The following FER variants were observed in gnomAD, a reference collection of about 807,000 sequenced individuals.
FER encodes the protein FER tyrosine kinase.
FER carries 63 observed loss-of-function variants against 111.0 expected under a neutral mutation model. The observed-to-expected ratio is 0.57, with a 90% CI of 0.46 to 0.70. FER has a LOEUF of 0.70. Ranked by LOEUF, FER falls within the 30% of genes least tolerant of loss-of-function variation. FER has a pLI of 0.00. For missense variants in FER, 914 were observed against 954.0 expected, an observed-to-expected ratio of 0.96 and a Z score of 0.55; for synonymous variants, 327 against 313.9, an observed-to-expected ratio of 1.04 and a Z score of -0.44.
chr5:109,029,709 G>T (rs948584921), intron 13 of FER, among the ~76,000 whole-genome samples: 3 of 152,028 alleles, frequency 2.0e-5, no homozygotes, highest in African/African-American at 4.8e-5. Context: ...CTGTGAATTG[G>T]TATACCCTGT....
chr5:109,145,502 A>G (rs968364648), intron 17 of FER, among the ~76,000 whole-genome samples: 3 of 150,392 alleles, frequency 2.0e-5, no homozygotes, highest in Admixed American at 2.0e-4. Flanking sequence ...GTTGTAAATA[A>G]TTTGCTCCCC....
At chr5:108,834,167 A>C (rs1309860424) in intron 4 of FER, among the ~76,000 whole-genome samples, 1 of 152,146 alleles carries the variant, frequency 6.6e-6, no homozygotes, top group Admixed American at 6.5e-5. Flanking sequence ...TTTTTCTGTT[A>C]GCATCTTATG....
intron 13 of FER, among the ~76,000 whole-genome samples, chr5:109,026,709 G>A (rs1391036037): frequency 6.6e-6 from 1 of 151,998 alleles, no homozygotes; most frequent in Non-Finnish European, 1.5e-5. Context: ...TTTTGTTGTT[G>A]TTGTTGTTGC....
intron 17 of FER, among the ~76,000 whole-genome samples, chr5:109,127,802 A>G (rs531593197): frequency 6.6e-6 from 1 of 152,238 alleles, no homozygotes; most frequent in Admixed American, 6.5e-5. Context: ...TAATTTTTAC[A>G]TTTTACTAGG....
chr5:108,978,053 C>T (rs1187244566), intron 13 of FER, among the ~76,000 whole-genome samples: 1 of 152,098 alleles, frequency 6.6e-6, no homozygotes, highest in African/African-American at 2.4e-5. Flanking sequence ...CACCGCATTG[C>T]CCAGGCTGGT....
At chr5:109,177,743 C>A (rs951256524) in intron 17 of FER, 1 of 152,200 alleles carries the variant, frequency 6.6e-6, no homozygotes, top group Non-Finnish European at 1.5e-5. Flanking sequence ...TAAGATTACT[C>A]GGCAGACATA....
At chr5:109,153,957 G>T (rs1390234204) in intron 17 of FER, among the ~76,000 whole-genome samples, 6 of 151,800 alleles carry the variant, frequency 4.0e-5, no homozygotes, top group Non-Finnish European at 7.4e-5. Context: ...GAATCAAGTG[G>T]CAGGGAGCAG....
chr5:108,942,849 G>A (rs1257304581), intron 10 of FER, among the ~76,000 whole-genome samples: 2 of 151,892 alleles, frequency 1.3e-5, no homozygotes, highest in African/African-American at 4.8e-5. Flanking sequence ...TGCCTGCTTT[G>A]CATAAGAAGC....
intron 8 of FER, among the ~76,000 whole-genome samples, chr5:108,872,761 A>G (rs969901991): frequency 2.0e-5 from 3 of 152,330 alleles, no homozygotes; most frequent in African/African-American, 7.2e-5. Flanking sequence ...TCAAACATTA[A>G]AAGCAATTAG....
At chr5:108,997,392 G>A (rs1240983639) in intron 13 of FER, among the ~76,000 whole-genome samples, 1 of 148,322 alleles carries the variant, frequency 6.7e-6, no homozygotes, top group Non-Finnish European at 1.5e-5. Context: ...ACTCCAGCCT[G>A]GGTGGTGGAG....
At chr5:109,044,537 G>C (rs777608081) in intron 14 of FER, 143 bp from the exon 15 acceptor site, 1 of 491,882 alleles carries the variant, frequency 2.0e-6, no homozygotes, top group Non-Finnish European at 3.7e-6. Context: ...TTAGAAGTTC[G>C]TATGTCTGAT....
chr5:108,935,305 T>TC (rs1187768498), intron 10 of FER, among the ~76,000 whole-genome samples: 1 of 152,080 alleles, frequency 6.6e-6, no homozygotes, highest in Non-Finnish European at 1.5e-5. Context: ...CTGCTGGAGA[T>TC]CCTATCATTC....
intron 16 of FER, among the ~76,000 whole-genome samples, chr5:109,070,070 A>C (rs1255497149): frequency 6.6e-6 from 1 of 152,058 alleles, no homozygotes; most frequent in Non-Finnish European, 1.5e-5. Context: ...ACTCATTGGC[A>C]GTCCATTTAT....
chr5:109,023,919 G>C (rs1768292971), intron 13 of FER, among the ~76,000 whole-genome samples: 2 of 152,106 alleles, frequency 1.3e-5, no homozygotes, highest in South Asian at 4.1e-4. Flanking sequence ...TTGAGTAAGA[G>C]GAAGAATGGT....
At chr5:109,138,968 A>G (rs1041248609) in intron 17 of FER, among the ~76,000 whole-genome samples, 1 of 152,214 alleles carries the variant, frequency 6.6e-6, no homozygotes, top group Non-Finnish European at 1.5e-5. Flanking sequence ...GCCCATGGCA[A>G]TCTATGAATT....
At chr5:109,168,275 C>T (rs1031462784) in intron 17 of FER, among the ~76,000 whole-genome samples, 1 of 152,136 alleles carries the variant, frequency 6.6e-6, no homozygotes, top group South Asian at 2.1e-4. Context: ...TCCCCTTTTC[C>T]TGGCATAAAT....
intron 17 of FER, among the ~76,000 whole-genome samples, chr5:109,134,846 A>T (rs572616985): frequency 1.3e-5 from 2 of 152,320 alleles, no homozygotes; most frequent in South Asian, 4.1e-4. Context: ...TCTGCCTAGG[A>T]TAGCTTTGTA....
At chr5:108,847,799 T>G (rs1412244657) in intron 5 of FER, among the ~76,000 whole-genome samples, 1 of 152,212 alleles carries the variant, frequency 6.6e-6, no homozygotes, top group Admixed American at 6.5e-5. Context: ...GCTCTGTTAT[T>G]CATTCCGTTT....
At chr5:109,091,678 G>A (rs1462972325) in intron 16 of FER, among the ~76,000 whole-genome samples, 6 of 152,176 alleles carry the variant, frequency 3.9e-5, no homozygotes, top group African/African-American at 1.4e-4. Flanking sequence ...ACATAGCCAA[G>A]CCATGAGTGT....
Sources: gnomAD v4.1 joint callset for allele counts (sites outside exome capture counted in the v4.1 genomes callset) on GRCh38, gnomAD v4.1.1 for gene constraint, MANE v1.5 for transcripts, NCBI Gene and HGNC (gene_info 2026-07-23, HGNC 2026-07-21) for gene names.